Variants in SHISA9 observed in about 807,000 individuals in gnomAD.
The protein encoded by SHISA9 is shisa family member 9.
SHISA9 carries 13 observed loss-of-function variants against 38.0 expected under a neutral mutation model. That is an observed-to-expected ratio of 0.34 (90% confidence interval 0.22 to 0.54). The LOEUF is 0.54. Among genes scored for constraint, SHISA9 ranks in the 20% least tolerant of loss-of-function variants. SHISA9 has a pLI of 0.91. For missense variants in SHISA9, 538 were observed against 575.8 expected (o/e 0.93, Z 0.67); for synonymous variants, 275 against 242.0 (o/e 1.14, Z -1.27).
chr16:13,387,584 G>A, the SHISA9 span, among the ~76,000 whole-genome samples: 24 of 151,886 alleles, frequency 1.6e-4, no homozygotes, highest in Non-Finnish European at 3.1e-4. Flanking sequence ...TCGCCTCCTG[G>A]GTTCAAACGA....
Position 13,081,894 on chromosome 16 carries a change from C to CGT in SHISA9, c.692-121487_692-121486dup, listed in dbSNP as rs146709301. 8.0e-4 allele frequency among the ~76,000 whole-genome samples: 121 copies of CGT among 150,312 alleles called. 1 individual carries two copies. The highest frequency in any genetic ancestry group is 1.4e-3 in the Non-Finnish European group (96 of 67,668). The stretch of plus-strand genomic sequence containing the variant: ...GTTTCTACTGATCAACTAGATTTAG[C>CGT]GTGTGTGTGTGTGTTTGTGTGGTAG... On this transcript the variant is annotated intron_variant, in intron 2 of 4. Coordinates refer to ENST00000558583, the MANE Select transcript of SHISA9 (RefSeq NM_001145204.3).
chr16:13,322,824 G>C, the SHISA9 span, among the ~76,000 whole-genome samples: 1 of 152,122 alleles, frequency 6.6e-6, no homozygotes, highest in East Asian at 1.9e-4. Flanking sequence ...TCTTCTTCTA[G>C]ATCAAACCTG....
chr16:13,344,985 T>C, the SHISA9 span, among the ~76,000 whole-genome samples: 20,563 of 152,192 alleles, frequency 0.14, 1,562 homozygotes, highest in Non-Finnish European at 0.18. Context: ...CCCATGTATG[T>C]AGAATTGGAA....
At chr16:13,349,372 C>T in the SHISA9 span, among the ~76,000 whole-genome samples, 21 of 152,268 alleles carry the variant, frequency 1.4e-4, no homozygotes, top group South Asian at 1.7e-3. Flanking sequence ...AGAATGAGAG[C>T]GGTTGAAGTG....
chr16:13,142,973 C>A (rs1230033068), intron 2 of SHISA9, among the ~76,000 whole-genome samples: 1 of 116,532 alleles, frequency 8.6e-6, no homozygotes, highest in Non-Finnish European at 1.8e-5. Context: ...GGATGAAGAA[C>A]CTCTGTAGCT....
intron 4 of SHISA9, among the ~76,000 whole-genome samples, chr16:13,225,474 G>A (rs573617499): frequency 6.6e-6 from 1 of 152,290 alleles, no homozygotes; most frequent in African/African-American, 2.4e-5. Context: ...TTTGGATTTT[G>A]TTCTTAAGTG....
chr16:13,009,660 A>G (rs192556801), intron 2 of SHISA9, among the ~76,000 whole-genome samples: 2 of 152,278 alleles, frequency 1.3e-5, no homozygotes, highest in Non-Finnish European at 2.9e-5. Flanking sequence ...AACACACACT[A>G]AAACTTAGGT....
At chr16:13,544,350 T>C in the SHISA9 span, among the ~76,000 whole-genome samples, 1 of 149,212 alleles carries the variant, frequency 6.7e-6, no homozygotes, top group Admixed American at 6.7e-5. Context: ...AACCAGAATT[T>C]GAACCCCATT....
chr16:13,436,550 C>G, the SHISA9 span, among the ~76,000 whole-genome samples: 1 of 152,228 alleles, frequency 6.6e-6, no homozygotes, highest in Non-Finnish European at 1.5e-5. Context: ...CAGCAGCTCT[C>G]AGGGGCTGCT....
intron 1 of SHISA9, chr16:12,902,849 C>CGTGTGTGTGTGTGT: frequency 2.0e-6 from 1 of 492,108 alleles, no homozygotes; most frequent in East Asian, 3.5e-5. Context: ...TGTGTGTGAG[C>CGTGTGTGTGTGTGT]GTGTGTGTGT....
At chr16:13,147,461 C>CTTTTTTTT (rs55972023) in intron 2 of SHISA9, among the ~76,000 whole-genome samples, 1 of 65,072 alleles carries the variant, frequency 1.5e-5, no homozygotes, top group Non-Finnish European at 2.9e-5. Flanking sequence ...GTAAACTGAG[C>CTTTTTTTT]TTTTTTTTTT....
At chr16:12,982,010 T>C (rs2141823853) in intron 2 of SHISA9, among the ~76,000 whole-genome samples, 1 of 152,356 alleles carries the variant, frequency 6.6e-6, no homozygotes, top group Admixed American at 6.5e-5. Flanking sequence ...TCTGTGGTAC[T>C]TTGTTACAAA....
intron 2 of SHISA9, among the ~76,000 whole-genome samples, chr16:12,944,784 A>G (rs1362756904): frequency 6.6e-6 from 1 of 152,178 alleles, no homozygotes; most frequent in Admixed American, 6.5e-5. Flanking sequence ...CAGTATCAGT[A>G]TCCTGTGGAG....
the SHISA9 span, among the ~76,000 whole-genome samples, chr16:13,514,412 C>T: frequency 6.6e-6 from 1 of 151,986 alleles, no homozygotes; most frequent in African/African-American, 2.4e-5. Flanking sequence ...AGAAATGACA[C>T]ATATGGTAGA....
At chr16:13,166,552 G>C (rs2050637698) in intron 2 of SHISA9, among the ~76,000 whole-genome samples, 1 of 152,040 alleles carries the variant, frequency 6.6e-6, no homozygotes, top group Admixed American at 6.6e-5. Flanking sequence ...TTTCTCCATA[G>C]CCTCAGTCTT....
the SHISA9 span, among the ~76,000 whole-genome samples, chr16:13,377,873 CA>C: frequency 4.2e-4 from 63 of 149,756 alleles, no homozygotes; most frequent in South Asian, 0.012. Flanking sequence ...ACTAAAAATA[CA>C]AAAAAAAAAT....
chr16:13,360,124 C>G, the SHISA9 span, among the ~76,000 whole-genome samples: 1 of 152,222 alleles, frequency 6.6e-6, no homozygotes, highest in Admixed American at 6.5e-5. Flanking sequence ...CTCTCTATCT[C>G]AGGATGTTGC....
At chr16:13,088,343 C>T (rs1282243796) in intron 2 of SHISA9, among the ~76,000 whole-genome samples, 1 of 152,100 alleles carries the variant, frequency 6.6e-6, no homozygotes, top group Non-Finnish European at 1.5e-5. Context: ...TTTTCCAATT[C>T]TGTGAAGAAA....
the SHISA9 span, among the ~76,000 whole-genome samples, chr16:13,286,374 G>C: frequency 6.6e-6 from 1 of 152,054 alleles, no homozygotes; most frequent in African/African-American, 2.4e-5. Flanking sequence ...CTTTAAACCC[G>C]AAGTCTCCAC....
Sources: allele counts gnomAD v4.1 joint callset (sites outside exome capture counted in the v4.1 genomes callset), GRCh38; gene constraint gnomAD v4.1.1; transcripts MANE v1.5; gene names NCBI Gene and HGNC (gene_info 2026-07-23, HGNC 2026-07-21).